The following SEMA3A variants were observed in gnomAD, a reference collection of about 807,000 sequenced individuals.
SEMA3A encodes semaphorin-3A.
SEMA3A carries 29 observed loss-of-function variants against 97.9 expected under a neutral mutation model. The observed-to-expected ratio is 0.30, with a 90% CI of 0.22 to 0.40. The LOEUF is 0.40. Ranked by LOEUF, SEMA3A falls within the 10% of genes least tolerant of loss-of-function variation. SEMA3A has a pLI of 1.00. For missense variants in SEMA3A, 763 were observed against 951.3 expected, an observed-to-expected ratio of 0.80 and a Z score of 2.60; for synonymous variants, 321 against 323.7, an observed-to-expected ratio of 0.99 and a Z score of 0.09.
At chr7:84,367,392 T>C (rs1376612063) in intron 2 of SEMA3A, among the ~76,000 whole-genome samples, 2 of 151,346 alleles carry the variant, frequency 1.3e-5, no homozygotes, top group Non-Finnish European at 3.0e-5. Context: ...TTTGTTTATG[T>C]CTTTAAGAAT....
At chr7:84,156,277 C>T (rs963839769) in intron 1 of SEMA3A, among the ~76,000 whole-genome samples, 1 of 152,062 alleles carries the variant, frequency 6.6e-6, no homozygotes, top group Non-Finnish European at 1.5e-5. Context: ...ATGGCTATGA[C>T]AACAACTTGT....
At chr7:84,313,354 GTGTATATATATA>G (rs1396647235) in intron 2 of SEMA3A, among the ~76,000 whole-genome samples, 435 of 36,806 alleles carry the variant, frequency 0.012, 15 homozygotes, top group South Asian at 0.019. Context: ...ATATGTGTGT[GTGTATATATATA>G]TATATATATA....
At chr7:84,267,625 T>G (rs1362874601) in intron 3 of SEMA3A, among the ~76,000 whole-genome samples, 1 of 152,016 alleles carries the variant, frequency 6.6e-6, no homozygotes, top group African/African-American at 2.4e-5. Context: ...AATGAAGACG[T>G]GTGTCACAAT....
intron 3 of SEMA3A, among the ~76,000 whole-genome samples, chr7:84,214,353 C>G (rs1277371227): frequency 6.6e-6 from 1 of 152,034 alleles, no homozygotes; most frequent in African/African-American, 2.4e-5. Context: ...AATATAATAC[C>G]AACATTATCT....
At chr7:84,401,358 G>A (rs1803897622) in intron 1 of SEMA3A, among the ~76,000 whole-genome samples, 1 of 151,996 alleles carries the variant, frequency 6.6e-6, no homozygotes. Flanking sequence ...AATTGAAGAT[G>A]ACACAAACAA....
chr7:84,098,131 T>C (rs1794833651), intron 4 of SEMA3A, among the ~76,000 whole-genome samples: 1 of 152,102 alleles, frequency 6.6e-6, no homozygotes, highest in Admixed American at 6.6e-5. Flanking sequence ...TCTTAGAGTA[T>C]AATTGGTTGA....
intron 3 of SEMA3A, among the ~76,000 whole-genome samples, chr7:84,292,677 T>C (rs911826699): frequency 9.2e-5 from 14 of 152,058 alleles, no homozygotes; most frequent in African/African-American, 3.4e-4. Flanking sequence ...CAACAAACTT[T>C]ACCACAGAGG....
At chr7:84,333,959 C>T (rs1300192270) in intron 2 of SEMA3A, among the ~76,000 whole-genome samples, 1 of 152,130 alleles carries the variant, frequency 6.6e-6, no homozygotes. Context: ...CTATATTTAA[C>T]AGATTTTGTC....
At chr7:84,311,254 A>G (rs1801308873) in intron 2 of SEMA3A, among the ~76,000 whole-genome samples, 1 of 151,926 alleles carries the variant, frequency 6.6e-6, no homozygotes, top group Admixed American at 6.6e-5. Context: ...TTGCTTCCAT[A>G]TCCTCAGTGA....
chr7:84,388,372 G>T (rs1006485907), intron 1 of SEMA3A, among the ~76,000 whole-genome samples: 8 of 151,978 alleles, frequency 5.3e-5, no homozygotes, highest in African/African-American at 1.7e-4. Context: ...AAGACTCAAA[G>T]AATTATAGGT....
chr7:84,175,750 C>T (rs562331262), intron 1 of SEMA3A, among the ~76,000 whole-genome samples: 101 of 145,794 alleles, frequency 6.9e-4, no homozygotes, highest in African/African-American at 2.3e-3. Flanking sequence ...TTTTCCCTGT[C>T]TGTTATCACA....
intron 4 of SEMA3A, 21 bp downstream of exon 4, chr7:84,110,449 T>A: frequency 6.2e-7 from 1 of 1,612,580 alleles, no homozygotes; most frequent in Non-Finnish European, 8.5e-7. Context: ...ACAAATATAA[T>A]TTTTAAAAAG....
rs193112583 is a variant in SEMA3A at position 84,341,907 on chromosome 7, C to T, written c.-169+29917G>A. Among the ~76,000 whole-genome samples the T allele has an allele frequency of 1.9e-3, 284 of 152,232 alleles. 1 individual carries two copies. The highest frequency in any genetic ancestry group is 6.5e-3 in the African/African-American group (272 of 41,538). ...TGCTTTTAGGAGTTTATGCCCCTCA[C>T]GCTTTAGAATCTTTACCCACCCTGC... On this transcript the variant is annotated intron_variant, in intron 2 of 3. Transcript: ENST00000424555.
At chr7:84,091,288 GAAAGAAAAAGAA>G (rs1199522493) in intron 4 of SEMA3A, among the ~76,000 whole-genome samples, 1 of 105,816 alleles carries the variant, frequency 9.5e-6, no homozygotes, top group African/African-American at 3.2e-5. Context: ...AAGAAAGAAA[GAAAGAAAAAGAA>G]AAAGAAAGGA....
At chr7:84,465,870 T>G (rs1395564089) in intron 1 of SEMA3A, among the ~76,000 whole-genome samples, 1 of 152,080 alleles carries the variant, frequency 6.6e-6, no homozygotes, top group Non-Finnish European at 1.5e-5. Flanking sequence ...TGCCTCTAAT[T>G]TCCTCCTCTT....
rs540043057 is a variant in SEMA3A at position 84,210,153 on chromosome 7, G to A, written c.-82-15485C>T. Among the ~76,000 whole-genome samples the A allele has an allele frequency of 3.7e-3, 564 of 152,206 alleles. 1 individual carries two copies. Among genetic ancestry groups the A allele is most frequent in the African/African-American group, 0.012 (516 of 41,530 alleles). On this transcript the variant is annotated intron_variant, in intron 3 of 3. Transcript: ENST00000424555. ...CCTGGAATCATTTCCATACACTAAA[G>A]TATTTTTTTTGTGGGGAAGAAGAAA...
At chr7:84,395,913 G>A (rs767183230) in intron 1 of SEMA3A, among the ~76,000 whole-genome samples, 1 of 152,096 alleles carries the variant, frequency 6.6e-6, no homozygotes, top group Non-Finnish European at 1.5e-5. Context: ...AAAAATGTAT[G>A]TACAGATTTA....
intron 5 of SEMA3A, among the ~76,000 whole-genome samples, chr7:84,049,699 CT>C (rs894034082): frequency 1.8e-4 from 27 of 146,984 alleles, no homozygotes; most frequent in South Asian, 8.7e-4. Context: ...TATGTTGATT[CT>C]TTTTTTTTTC....
At chr7:84,150,993 A>ACGGC (rs1381179131) in intron 1 of SEMA3A, among the ~76,000 whole-genome samples, 4 of 148,422 alleles carry the variant, frequency 2.7e-5, no homozygotes. Context: ...GACACCTCAC[A>ACGGC]CTGCAGGGTA....
Sources: gnomAD v4.1 joint callset for allele counts (sites outside exome capture counted in the v4.1 genomes callset) on GRCh38, gnomAD v4.1.1 for gene constraint, MANE v1.5 for transcripts, NCBI Gene and HGNC (gene_info 2026-07-23, HGNC 2026-07-21) for gene names.